The following TNKS1BP1 variants were observed in gnomAD, a reference collection of about 807,000 sequenced individuals.
TNKS1BP1 encodes CCR4-NOT transcription complex subunit 12.
In TNKS1BP1, 48 loss-of-function variants were observed where a neutral mutation model predicts 141.1. The ratio of observed to expected loss-of-function variants is 0.34; its 90% confidence interval spans 0.27 to 0.43. The LOEUF (loss-of-function observed/expected upper bound fraction) is 0.43, where lower values mean the gene tolerates loss of function less well. TNKS1BP1 is among the 20% of genes least tolerant of loss of function. The probability of loss-of-function intolerance (pLI) is 1.00; values close to 1 mark genes in which losing one functional copy is unlikely to be tolerated. For missense variants in TNKS1BP1, 2,149 were observed against 2,226.0 expected (o/e 0.97, Z 0.70); for synonymous variants, 875 against 898.2 (o/e 0.97, Z 0.46).
intron 5 of TNKS1BP1, among the ~76,000 whole-genome samples, chr11:57,312,243 G>C (rs549643134): frequency 1.3e-5 from 2 of 152,308 alleles, no homozygotes; most frequent in South Asian, 4.1e-4. Flanking sequence ...ATAACTCTAA[G>C]AGGCCAATGC....
chr11:57,310,170 T>G lies in TNKS1BP1; in HGVS notation c.2541A>C (p.Arg847Ser). 6.2e-7 allele frequency: 1 copy of G among 1,614,058 alleles called. No individual in the cohort carries two copies. The highest frequency in any genetic ancestry group is 8.5e-7 in the Non-Finnish European group (1 of 1,179,980). ...QEADVQDWEF[R>S]KRDSQGTYSS... Reference sequence around the variant, plus strand: ...AGTAAGTGCCCTGGGAATCCCTCTTTCTGAACTCCCAGTCCTGAACATCTG... The same window carrying G: ...AGTAAGTGCCCTGGGAATCCCTCTTGCTGAACTCCCAGTCCTGAACATCTG... Residue 847 changes from arginine (R) to serine (S), a missense_variant, in exon 6 of 12, where the codon AGA (arginine) becomes AGC (serine). By Grantham distance (110) the Arg-to-Ser change is moderately radical (BLOSUM62 -1). Transcript: ENST00000358252.
chr11:57,321,674 C>T (rs1267654656), intron 2 of TNKS1BP1, 118 bp downstream of exon 2: 4 of 1,190,914 alleles, frequency 3.4e-6, no homozygotes, highest in Non-Finnish European at 4.7e-6. Flanking sequence ...CCTTGGTACT[C>T]CTTCCCTATC....
At chr11:57,304,549 C>T (rs565870183) in intron 6 of TNKS1BP1, among the ~76,000 whole-genome samples, 104 of 152,234 alleles carry the variant, frequency 6.8e-4, no homozygotes, top group Non-Finnish European at 1.1e-3. Context: ...TGGGGTGGGG[C>T]AAAAGAAGGC....
chr11:57,305,216 C>A (rs1033676650), intron 6 of TNKS1BP1, among the ~76,000 whole-genome samples: 1 of 152,172 alleles, frequency 6.6e-6, no homozygotes, highest in Non-Finnish European at 1.5e-5. Flanking sequence ...TGGCTTTGAC[C>A]ACAAGTTATT....
In TNKS1BP1 at chr11:57,312,739, G is replaced by A; in HGVS notation, c.1949C>T (p.Ala650Val). The A allele has an allele frequency of 6.3e-7, 1 of 1,587,338 alleles. No individual in the cohort carries two copies. The highest frequency in any genetic ancestry group is 8.6e-7 in the Non-Finnish European group (1 of 1,165,012). Residue 650 changes from alanine (A) to valine (V), a missense_variant, in exon 5 of 12, where the codon GCC becomes GTC. Physicochemically the swap from Ala to Val is moderately conservative, Grantham distance 64. Coordinates refer to ENST00000358252, the MANE Select transcript of TNKS1BP1 (RefSeq NM_033396.3). ...GGTCTCAGCCCGGGCTAGGGTCACGGCCTCCTCCTCAACAGGCAGTGCCTG... is the reference window on the plus strand; with the variant it reads ...GGTCTCAGCCCGGGCTAGGGTCACGACCTCCTCCTCAACAGGCAGTGCCTG... The part of the protein sequence containing the change: ...PGQALPVEEE[A>V]VTLARAETTQ...
rs775795289 is a variant in TNKS1BP1, at chr11:57,320,602, G to C, written c.205C>G (p.Arg69Gly). The change falls in exon 3 of 12, where the codon CGG becomes GGG. Residue 69 changes from arginine to glycine, a missense_variant. Coordinates refer to ENST00000358252, the MANE Select transcript of TNKS1BP1 (RefSeq NM_033396.3). ...GAAGGCAACTCAGCCAGGGGACCCC[G>C]GGGAGGCCGAGGCCCAACAGGCACC... ...LLVPVGPRPP[R>G]GPLAELPSAR... 1 of 1,613,826 alleles carries C rather than the reference G, an allele frequency of 6.2e-7. No homozygotes were observed. Among genetic ancestry groups the C allele is most frequent in the Non-Finnish European group, 8.5e-7 (1 of 1,179,974 alleles).
intron 9 of TNKS1BP1, among the ~76,000 whole-genome samples, 191 bp from the exon 10 acceptor site, chr11:57,301,232 C>G (rs1855520065): frequency 6.6e-6 from 1 of 152,158 alleles, no homozygotes; most frequent in African/African-American, 2.4e-5. Flanking sequence ...GCCTTGCACA[C>G]CTTTCTGTCC....
intron 4 of TNKS1BP1, 66 bp from the exon 5 acceptor site, chr11:57,313,955 G>A (rs928885635): frequency 1.6e-4 from 219 of 1,392,812 alleles, no homozygotes; most frequent in Non-Finnish European, 1.9e-4. Context: ...GGTCCCCTCC[G>A]ACCCCACACA....
rs1855902681 is a variant in TNKS1BP1, at chr11:57,322,397, C to T, written c.-65-447G>A. On this transcript the variant is annotated intron_variant, in intron 1 of 11. Coordinates refer to ENST00000358252, the MANE Select transcript of TNKS1BP1 (RefSeq NM_033396.3). ...CTGGGCTCCGCCCCACTGCCTGCCT[C>T]CCCCTTCCCACTCACCCTCCTTCCC... is the stretch of plus-strand genomic sequence containing the variant. The T allele has an allele frequency of 1.1e-5, 9 of 844,234 alleles. No individual in the cohort carries two copies. In the South Asian group the frequency reaches 1.6e-4, roughly 15 times the overall value. The allele number at this position is 844,234 out of a possible 1,614,324, so 52.3% of individuals were successfully genotyped here. A position where few individuals can be genotyped will look rare whatever the true frequency, so the allele number is the denominator to read the frequency against.
chr11:57,321,100 T>A lies in TNKS1BP1; in HGVS notation c.95-388A>T, dbSNP rs375747807. ...CCCTATCAAGCAGTCAGCCCCCCCA[T>A]ATTCCCAATCTAGTTTTTTCACCTT... is the stretch of plus-strand genomic sequence containing the variant. On this transcript the variant is annotated intron_variant, in intron 2 of 11. Coordinates refer to ENST00000358252, the MANE Select transcript of TNKS1BP1 (RefSeq NM_033396.3). Among the ~76,000 whole-genome samples, 123 of 152,242 alleles carry A rather than the reference T, an allele frequency of 8.1e-4. 2 individuals are homozygous for A. In the South Asian group the frequency reaches 0.025, roughly 31 times the overall value.
In TNKS1BP1 at chr11:57,313,043, T is replaced by G. The variant is rs765217778; in HGVS notation, c.1645A>C (p.Ser549Arg). Residue 549 changes from serine (S) to arginine (R), a missense_variant, in exon 5 of 12, where the codon AGC becomes CGC. Transcript: ENST00000358252. The part of the protein sequence containing the change: ...GSSWVQGDDP[S>R]MSLTQKGDGE... The stretch of plus-strand genomic sequence containing the variant: ...TCGCCCTTCTGGGTGAGGGACATGC[T>G]TGGATCATCCCCCTGCACCCAGGAA... The G allele has an allele frequency of 6.2e-7, 1 of 1,613,882 alleles. No individual in the cohort carries two copies. The highest frequency in any genetic ancestry group is 1.7e-5 in the Admixed American group (1 of 60,030).
chr11:57,320,712 C>A lies in TNKS1BP1; in HGVS notation c.95G>T (p.Gly32Val). 1 of 1,569,870 alleles carries A rather than the reference C, an allele frequency of 6.4e-7. No individual in the cohort carries two copies. Among genetic ancestry groups the A allele is most frequent in the South Asian group, 1.2e-5 (1 of 86,534 alleles). ...GACAGGGGGTTTGGCCCGAGTGTCA[C>A]CTACCAAAAGGAAAGGGTTGGTGGG... ...EELVPTGSEP[G>V]DTRAKPPVKP... The change falls in exon 3 of 12, where the codon GGT becomes GTT. Residue 32 changes from glycine to valine, a missense_variant and splice_region_variant. Gly to Val is a moderately radical substitution (Grantham distance 109). Coordinates refer to ENST00000358252, the MANE Select transcript of TNKS1BP1 (RefSeq NM_033396.3).
rs763514888 is a variant in TNKS1BP1 at position 57,309,330 on chromosome 11, A to C, written c.3381T>G (p.Ile1127Met). 1 of 1,614,114 alleles carries C rather than the reference A, an allele frequency of 6.2e-7. No individual in the cohort carries two copies. The highest frequency in any genetic ancestry group is 1.1e-5 in the South Asian group (1 of 91,082). Residue 1127 changes from isoleucine (I) to methionine (M), a missense_variant, in exon 6 of 12, where the codon ATT becomes ATG. Transcript: ENST00000358252. The surrounding 1 kb of genome is among the most constrained non-coding windows in gnomAD (Gnocchi z 4.3). ...CAGCACCACTCACTCTGTCGTTGCC[A>C]ATGATGCCAAACTGATAGCTCCTCT... The part of the protein sequence containing the change: ...ASERSYQFGI[I>M]GNDRVSGAGF...
In TNKS1BP1 at chr11:57,303,059, T is replaced by C. The variant is rs73472503; in HGVS notation, c.4317-234A>G. On this transcript the variant is annotated intron_variant, in intron 6 of 11. Transcript: ENST00000358252. ...GAGACCTCGGGTGAGCCCCCTCCCC[T>C]GGAAACAGCTCAGGCTCCTCTAACT... 1,225 of 453,958 alleles carry C rather than the reference T, an allele frequency of 2.7e-3. 8 individuals carry two copies. The highest frequency in any genetic ancestry group is 0.022 in the African/African-American group (1,095 of 50,892). 28.1% of individuals were successfully genotyped at this position (453,958 alleles called of 1,614,324 possible). A position where few individuals can be genotyped will look rare whatever the true frequency, so the allele number is the denominator to read the frequency against.
At chr11:57,312,171 C>T (rs1041639145) in intron 5 of TNKS1BP1, among the ~76,000 whole-genome samples, 5 of 152,190 alleles carry the variant, frequency 3.3e-5, no homozygotes, top group Non-Finnish European at 7.3e-5. Context: ...TAATGAGAGA[C>T]TGAATACTCA....
chr11:57,310,567 G>A lies in TNKS1BP1; in HGVS notation c.2155-11C>T, dbSNP rs1565042042. On this transcript the variant is annotated splice_polypyrimidine_tract_variant and intron_variant, in intron 5 of 11. Coordinates refer to ENST00000358252, the MANE Select transcript of TNKS1BP1 (RefSeq NM_033396.3). ...CCAGCCAAGGAGTCCCTGGGAATAA[G>A]AAAAAAAAACAGACAAAGAAACAAC... 30 of 1,551,312 alleles carry A rather than the reference G, an allele frequency of 1.9e-5. No homozygotes were observed. The Admixed American group carries it at 2.3e-4, about 12-fold the overall frequency.
chr11:57,302,345 C>T lies in TNKS1BP1; in HGVS notation c.4683+114G>A. On this transcript the variant is annotated intron_variant, in intron 7 of 11. Coordinates refer to ENST00000358252, the MANE Select transcript of TNKS1BP1 (RefSeq NM_033396.3). This position sits in a 1 kb window ranked among gnomAD's most constrained non-coding sequence, Gnocchi z 5.5. ...CGGAGCTTCACGTTCACGTGACGCA[C>T]CTACAACCCGCTTTCTGCCTCCTGG... 6.5e-7 allele frequency: 1 copy of T among 1,538,114 alleles called. No homozygotes were observed.
intron 5 of TNKS1BP1, chr11:57,311,213 C>T (rs1193809223): frequency 1.0e-6 from 1 of 981,742 alleles, no homozygotes; most frequent in Middle Eastern, 5.2e-4. Flanking sequence ...GCACCCCACC[C>T]CCCACCTCAC....
chr11:57,324,444 A>G (rs1225473669), intron 1 of TNKS1BP1, among the ~76,000 whole-genome samples: 1 of 138,558 alleles, frequency 7.2e-6, no homozygotes, highest in African/African-American at 2.7e-5. Context: ...GCAGACGTCG[A>G]TCAGGTGGGG....
Sources: gnomAD v4.1 joint callset for allele counts (sites outside exome capture counted in the v4.1 genomes callset) on GRCh38, gnomAD v4.1.1 for gene constraint, Gnocchi (gnomAD v3.1) non-coding constraint, MANE v1.5 for transcripts, NCBI Gene and HGNC (gene_info 2026-07-23, HGNC 2026-07-21) for gene names.